The following TTC39A variants were observed in gnomAD, a reference collection of about 807,000 sequenced individuals.
The protein encoded by TTC39A is tetratricopeptide repeat protein 39A.
Under a neutral mutation model 82.3 loss-of-function variants are expected in TTC39A, and 46 were observed. The observed-to-expected ratio is 0.56, with a 90% CI of 0.44 to 0.71. The LOEUF is 0.71. Among genes scored for constraint, TTC39A ranks in the 30% least tolerant of loss-of-function variants. The pLI is 0.00. For missense variants in TTC39A, 543 were observed against 712.9 expected, an observed-to-expected ratio of 0.76 and a Z score of 2.71; for synonymous variants, 254 against 275.2, an observed-to-expected ratio of 0.92 and a Z score of 0.76.
At chr1:51,293,427 C>T (rs1258020799) in intron 14 of TTC39A, among the ~76,000 whole-genome samples, 3 of 152,164 alleles carry the variant, frequency 2.0e-5, no homozygotes, top group African/African-American at 7.2e-5. Context: ...GTTGTAAGTG[C>T]TAAATCAAAC....
At chr1:51,330,911 C>T (rs1645895194), upstream of TTC39A, 3 of 608,338 alleles carry the variant, frequency 4.9e-6, no homozygotes, top group Non-Finnish European at 5.9e-6. The surrounding 1 kb of genome is among the most constrained non-coding windows in gnomAD (Gnocchi z 4.5). Context: ...CCGTCACCAT[C>T]CTCCCGCATT....
chr1:51,322,062 G>A (rs1645546000), intron 1 of TTC39A: 1 of 1,538,502 alleles, frequency 6.5e-7, no homozygotes, highest in Non-Finnish European at 8.8e-7. Context: ...TCTGTTGGAG[G>A]TGGGGGAGGG....
chr1:51,294,249 C>T lies in TTC39A; in HGVS notation c.1266+142G>A. The stretch of plus-strand genomic sequence containing the variant: ...TAAGGGGCAGGGGCTGGGCCAGACT[C>T]CCAGGTGAATTGTGAAACCCTCCCC... On this transcript the variant is annotated intron_variant, in intron 14 of 17. Coordinates refer to ENST00000680483, the MANE Select transcript of TTC39A (RefSeq NM_001297663.2). The surrounding 1 kb of genome is among the most constrained non-coding windows in gnomAD (Gnocchi z 4.3). 1 of 1,366,588 alleles carries T rather than the reference C, an allele frequency of 7.3e-7. No individual in the cohort carries two copies. The highest frequency in any genetic ancestry group is 9.8e-7 in the Non-Finnish European group (1 of 1,015,818). The allele number at this position is 1,366,588 out of a possible 1,614,324, so 84.7% of individuals were successfully genotyped here. A position where few individuals can be genotyped will look rare whatever the true frequency, so the allele number is the denominator to read the frequency against.
intron 1 of TTC39A, among the ~76,000 whole-genome samples, chr1:51,337,776 C>A (rs1003807085): frequency 6.6e-6 from 1 of 152,136 alleles, no homozygotes; most frequent in South Asian, 2.1e-4. Context: ...AGTTCTTCTG[C>A]CCTGCATTAT....
At chr1:51,308,393 C>T (rs1313141619) in intron 6 of TTC39A, among the ~76,000 whole-genome samples, 1 of 152,096 alleles carries the variant, frequency 6.6e-6, no homozygotes, top group East Asian at 1.9e-4. Context: ...GTGCCTGCCA[C>T]CACGCCCTGC....
At chr1:51,308,573 G>A (rs1441056603) in intron 6 of TTC39A, among the ~76,000 whole-genome samples, 3 of 152,176 alleles carry the variant, frequency 2.0e-5, no homozygotes, top group African/African-American at 7.2e-5. Context: ...AAGTTTTAAT[G>A]CAAAACTTGG....
At position 51,321,998 on chromosome 1, in the gene TTC39A, C is replaced by A; in HGVS notation, c.42-173G>T. 2 of 1,420,884 alleles carry A rather than the reference C, an allele frequency of 1.4e-6. No homozygotes were observed. The highest frequency in any genetic ancestry group is 1.9e-6 in the Non-Finnish European group (2 of 1,045,466). The allele number at this position is 1,420,884 out of a possible 1,614,324, so 88.0% of individuals were successfully genotyped here. A position where few individuals can be genotyped will look rare whatever the true frequency, so the allele number is the denominator to read the frequency against. ...GGGACGCAGGGACAATTTGGACCCA[C>A]CTCTTGGTGTTCCCAAGGGTGGGAG... On this transcript the variant is annotated intron_variant, in intron 1 of 17. Coordinates refer to ENST00000680483, the MANE Select transcript of TTC39A (RefSeq NM_001297663.2). This position sits in a 1 kb window ranked among gnomAD's most constrained non-coding sequence, Gnocchi z 4.6.
chr1:51,295,960 G>A (rs980811940), intron 13 of TTC39A, 119 bp downstream of exon 13: 1 of 1,147,734 alleles, frequency 8.7e-7, no homozygotes, highest in African/African-American at 1.5e-5. Flanking sequence ...GTGGGGGCAG[G>A]GAGCCACCCT....
chr1:51,306,302 T>C (rs981871089), intron 6 of TTC39A, among the ~76,000 whole-genome samples: 3 of 152,218 alleles, frequency 2.0e-5, no homozygotes, highest in Non-Finnish European at 2.9e-5. Flanking sequence ...CACTCAGCCA[T>C]GGGCAGCTTC....
intron 1 of TTC39A, among the ~76,000 whole-genome samples, chr1:51,343,265 T>C (rs1646058847): frequency 6.6e-6 from 1 of 152,216 alleles, no homozygotes; most frequent in African/African-American, 2.4e-5. Flanking sequence ...GTGACAGTGA[T>C]CCAGCATTGA....
intron 3 of TTC39A, 34 bp downstream of exon 3, chr1:51,312,778 C>A (rs1296866538): frequency 6.2e-7 from 1 of 1,604,654 alleles, no homozygotes; most frequent in Non-Finnish European, 8.5e-7. Flanking sequence ...GGTGGGCCTC[C>A]CAACCTCTGA....
At chr1:51,304,046 A>G (rs193143143) in intron 8 of TTC39A, among the ~76,000 whole-genome samples, 53 of 152,206 alleles carry the variant, frequency 3.5e-4, no homozygotes, top group South Asian at 2.1e-3. Flanking sequence ...TTATCTTTCT[A>G]TCCTTTGGTG....
chr1:51,291,229 G>A lies in TTC39A; in HGVS notation c.1267-604C>T, dbSNP rs1184519235. Among the ~76,000 whole-genome samples, 6 of 151,960 alleles carry A rather than the reference G, an allele frequency of 3.9e-5. No homozygotes were observed. The East Asian group carries it at 7.7e-4, about 20-fold the overall frequency. ...GGGGGGGCCAGGCACAGCGGCTCAC[G>A]CCTGTAATCCCAGCACTTTGGGAGG... On this transcript the variant is annotated intron_variant, in intron 14 of 17. Transcript: ENST00000680483.
intron 14 of TTC39A, among the ~76,000 whole-genome samples, chr1:51,292,679 C>T (rs1644267748): frequency 6.6e-6 from 1 of 152,200 alleles, no homozygotes; most frequent in Non-Finnish European, 1.5e-5. Context: ...GATCCACCTA[C>T]CCTGGCCTCC....
chr1:51,322,713 C>A (rs148732628), intron 1 of TTC39A, among the ~76,000 whole-genome samples: 52 of 152,254 alleles, frequency 3.4e-4, no homozygotes, highest in African/African-American at 1.1e-3. Flanking sequence ...AGAAGCCCTG[C>A]CTATTTGATG....
chr1:51,327,379 T>C (rs1645751239), intron 1 of TTC39A, among the ~76,000 whole-genome samples: 1 of 152,190 alleles, frequency 6.6e-6, no homozygotes, highest in South Asian at 2.1e-4. Context: ...ATTGCAAAAA[T>C]GATTGTGACT....
intron 2 of TTC39A, among the ~76,000 whole-genome samples, chr1:51,315,309 A>G (rs1290824230): frequency 1.3e-5 from 2 of 151,670 alleles, no homozygotes; most frequent in African/African-American, 4.9e-5. Context: ...TGGGAAATGA[A>G]GTACAGAGGT....
At chr1:51,313,019 C>T (rs929758830) in intron 2 of TTC39A, 76 bp from the exon 3 acceptor site, 5 of 1,555,840 alleles carry the variant, frequency 3.2e-6, no homozygotes, top group African/African-American at 1.4e-5. Context: ...AGCTCATCTC[C>T]ACCCTCCTCC....
Position 51,312,204 on chromosome 1 carries a change from GA to G in TTC39A, c.279-10del. On this transcript the variant is annotated splice_polypyrimidine_tract_variant and intron_variant, in intron 3 of 17. Coordinates refer to ENST00000680483, the MANE Select transcript of TTC39A (RefSeq NM_001297663.2). ...AAGACTTCCTCCGGTGCCTGAAGAG[GA>G]AAAAGAGGGGCCTCAGGTGAGGATT... The G allele has an allele frequency of 6.3e-7, 1 of 1,599,920 alleles. No individual in the cohort carries two copies. The highest frequency in any genetic ancestry group is 1.7e-5 in the Admixed American group (1 of 57,994).
Sources: gnomAD v4.1 joint callset for allele counts (sites outside exome capture counted in the v4.1 genomes callset) on GRCh38, gnomAD v4.1.1 for gene constraint, Gnocchi (gnomAD v3.1) non-coding constraint, MANE v1.5 for transcripts, NCBI Gene and HGNC (gene_info 2026-07-23, HGNC 2026-07-21) for gene names.